TRPC5: variants seen among roughly 807,000 people sequenced by gnomAD.
TRPC5 encodes transient receptor potential cation channel subfamily C member 5.
Under a neutral mutation model 56.5 loss-of-function variants are expected in TRPC5, and 9 were observed. The ratio of observed to expected loss-of-function variants is 0.16; its 90% CI spans 0.10 to 0.28. The LOEUF (loss-of-function observed/expected upper bound fraction) is 0.28, where lower values mean the gene tolerates loss of function less well. TRPC5 is among the 10% of genes least tolerant of loss of function. TRPC5 has a pLI of 1.00. For missense variants in TRPC5, 469 were observed against 748.9 expected, an observed-to-expected ratio of 0.63 and a Z score of 4.36; for synonymous variants, 282 against 278.5, an observed-to-expected ratio of 1.01 and a Z score of -0.13.
intron 6 of TRPC5, among the ~76,000 whole-genome samples, chrX:111,835,743 G>C (rs886733386): frequency 8.9e-6 from 1 of 111,869 alleles, no homozygotes; most frequent in African/African-American, 3.3e-5. Context: ...TCTCAGTTCT[G>C]GCATTTGCTG....
Position 111,776,270 on chromosome X carries a change from AC to A in TRPC5, c.*42del, listed in dbSNP as rs1945877345. The A allele has an allele frequency of 4.6e-6, 5 of 1,093,545 alleles. No individual in the cohort carries two copies. Among genetic ancestry groups the A allele is most frequent in the Non-Finnish European group, 6.0e-6 (5 of 830,786 alleles). The allele number at this position is 1,093,545 out of a possible 1,213,427, so 90.1% of individuals were successfully genotyped here. ...TGTCACCTCTGAGAGCAAGGAAATT[AC>A]AGATTTCTGTTGAGTTCCAGAACAG... On this transcript the variant is annotated 3_prime_UTR_variant, in exon 11 of 11. Coordinates refer to ENST00000262839, the MANE Select transcript of TRPC5 (RefSeq NM_012471.3).
At chrX:111,871,985 G>A in intron 3 of TRPC5, among the ~76,000 whole-genome samples, 1 of 111,695 alleles carries the variant, frequency 9.0e-6, no homozygotes, top group East Asian at 2.8e-4. Context: ...AGTGAGTTGT[G>A]ATAAGGCCAG....
chrX:111,877,574 ATCAGAG>A (rs773822423), intron 3 of TRPC5, among the ~76,000 whole-genome samples: 4 of 111,522 alleles, frequency 3.6e-5, no homozygotes, highest in Middle Eastern at 4.2e-3. Flanking sequence ...TAGGAAGGAC[ATCAGAG>A]TCAGAGTCAG....
chrX:111,838,986 T>C (rs1170278061), intron 6 of TRPC5, among the ~76,000 whole-genome samples: 3 of 111,822 alleles, frequency 2.7e-5, no homozygotes, highest in African/African-American at 9.7e-5. Flanking sequence ...AGCAGGGACA[T>C]CATCCTATAT....
chrX:111,878,037 T>A (rs147696703), intron 3 of TRPC5, among the ~76,000 whole-genome samples: 1,346 of 110,955 alleles, frequency 0.012, 23 homozygotes, highest in African/African-American at 0.042. Context: ...AGTAAAGAAG[T>A]ATGGGCAGCA....
At chrX:111,875,193 C>A (rs773099574) in intron 3 of TRPC5, among the ~76,000 whole-genome samples, 1 of 112,113 alleles carries the variant, frequency 8.9e-6, no homozygotes, top group Non-Finnish European at 1.9e-5. Flanking sequence ...ATAGTAAACT[C>A]TTAAAAATGG....
At chrX:111,785,659 A>G (rs1169677813) in intron 7 of TRPC5, among the ~76,000 whole-genome samples, 2 of 111,684 alleles carry the variant, frequency 1.8e-5, no homozygotes, top group African/African-American at 6.5e-5. Flanking sequence ...GGAAGCTAAA[A>G]ACCTTGAAAA....
chrX:111,780,100 A>G (rs1945908270), intron 9 of TRPC5, among the ~76,000 whole-genome samples: 1 of 111,618 alleles, frequency 9.0e-6, no homozygotes, highest in African/African-American at 3.3e-5. Flanking sequence ...CTATAGAATA[A>G]GGATGCATTT....
intron 6 of TRPC5, among the ~76,000 whole-genome samples, chrX:111,845,343 G>A: frequency 9.0e-6 from 1 of 111,524 alleles, no homozygotes; most frequent in East Asian, 2.8e-4. Context: ...CTGATAGAGG[G>A]AAAGTTGAGG....
chrX:111,843,752 G>A (rs1158493630), intron 6 of TRPC5, among the ~76,000 whole-genome samples: 2 of 110,416 alleles, frequency 1.8e-5, no homozygotes, highest in Non-Finnish European at 3.8e-5. Flanking sequence ...AGAAACTTCC[G>A]CACAGCAAGT....
In TRPC5 at chrX:112,027,528, G is replaced by A. The variant is rs182897512; in HGVS notation, c.-22+54351C>T. ...TTCTTTTTTTTTGACATGGAGTCTCGCTCTGTCGCCCAGGCTGGAGTACAG... is the reference window on the plus strand; with the variant it reads ...TTCTTTTTTTTTGACATGGAGTCTCACTCTGTCGCCCAGGCTGGAGTACAG... On this transcript the variant is annotated intron_variant, in intron 1 of 10. Coordinates refer to ENST00000262839, the MANE Select transcript of TRPC5 (RefSeq NM_012471.3). Among the ~76,000 whole-genome samples, 24 of 110,664 alleles carry A rather than the reference G, an allele frequency of 2.2e-4. No homozygotes were observed. In the East Asian group the frequency reaches 4.3e-3, roughly 20 times the overall value.
At chrX:111,782,806 AACACAC>A (rs1186498788) in intron 7 of TRPC5, among the ~76,000 whole-genome samples, 96 of 92,117 alleles carry the variant, frequency 1.0e-3, no homozygotes, top group African/African-American at 3.4e-3. Context: ...CATTATAATC[AACACAC>A]ACACACACAC....
intron 3 of TRPC5, chrX:111,896,341 A>G (rs779016666): frequency 1.1e-5 from 1 of 94,501 alleles, no homozygotes; most frequent in African/African-American, 5.0e-5. Flanking sequence ...CCTTAAACCT[A>G]TCGATTTCGC....
intron 2 of TRPC5, among the ~76,000 whole-genome samples, chrX:111,928,750 G>A (rs1364221623): frequency 8.9e-6 from 1 of 112,019 alleles, no homozygotes; most frequent in Non-Finnish European, 1.9e-5. Flanking sequence ...AGAAAAATAA[G>A]CTAGGTGCTG....
intron 1 of TRPC5, among the ~76,000 whole-genome samples, chrX:112,072,556 T>G (rs1469410926): frequency 9.0e-6 from 1 of 111,622 alleles, no homozygotes; most frequent in African/African-American, 3.3e-5. Context: ...TTTTCTACCC[T>G]CCTATCACCT....
chrX:111,823,674 G>T (rs1458193819), intron 7 of TRPC5, among the ~76,000 whole-genome samples: 1 of 110,902 alleles, frequency 9.0e-6, no homozygotes, highest in Non-Finnish European at 1.9e-5. Context: ...TGTGTTGGGG[G>T]TAGAGATAGG....
At chrX:111,820,548 A>T (rs1922000141) in intron 7 of TRPC5, among the ~76,000 whole-genome samples, 1 of 112,068 alleles carries the variant, frequency 8.9e-6, no homozygotes, top group African/African-American at 3.2e-5. Flanking sequence ...CAATAAGTAA[A>T]TTTTTATTGG....
At chrX:112,064,951 G>A (rs1475550493) in intron 1 of TRPC5, among the ~76,000 whole-genome samples, 4 of 110,252 alleles carry the variant, frequency 3.6e-5, no homozygotes, top group Non-Finnish European at 7.6e-5. Flanking sequence ...GTGGGCACCT[G>A]TAGTCCCAGC....
At chrX:112,077,165 A>G (rs778150072) in intron 1 of TRPC5, among the ~76,000 whole-genome samples, 37 of 111,417 alleles carry the variant, frequency 3.3e-4, no homozygotes, top group Non-Finnish European at 6.6e-4. Flanking sequence ...TTACACAGCT[A>G]GTAATTCGTG....
Sources: gnomAD v4.1 joint callset for allele counts (sites outside exome capture counted in the v4.1 genomes callset) on GRCh38, gnomAD v4.1.1 for gene constraint, MANE v1.5 for transcripts, NCBI Gene and HGNC (gene_info 2026-07-23, HGNC 2026-07-21) for gene names.